COL4A1: variants seen among roughly 807,000 people sequenced by gnomAD.
COL4A1 encodes the protein collagen type IV alpha 1 chain, also known as collagen alpha-1(IV) chain.
COL4A1 carries 40 observed loss-of-function variants against 216.6 expected under a neutral mutation model. The ratio of observed to expected loss-of-function variants is 0.18; its 90% CI spans 0.14 to 0.24. The LOEUF (loss-of-function observed/expected upper bound fraction) is 0.24. COL4A1 is among the 10% of genes least tolerant of loss of function. COL4A1 has a pLI of 1.00. For synonymous variants in COL4A1, 839 were observed against 810.7 expected, an observed-to-expected ratio of 1.03 and a Z score of -0.59; for missense variants, 1,628 against 2,196.8, an observed-to-expected ratio of 0.74 and a Z score of 5.18.
intron 49 of COL4A1, among the ~76,000 whole-genome samples, chr13:110,159,162 A>G (rs1310831421): frequency 6.6e-6 from 1 of 152,186 alleles, no homozygotes; most frequent in Non-Finnish European, 1.5e-5. Flanking sequence ...GGGCCTGAAA[A>G]CGTACTTCAG....
chr13:110,305,784 A>G (rs762686544), intron 1 of COL4A1: 4 of 152,264 alleles, frequency 2.6e-5, no homozygotes, highest in Non-Finnish European at 4.4e-5. Context: ...ACGTGTGTGT[A>G]TATCACCAGT....
intron 28 of COL4A1, 24 bp from the exon 29 acceptor site, chr13:110,181,413 AAAACAAAC>A (rs762439134): frequency 6.3e-7 from 1 of 1,587,300 alleles, no homozygotes; most frequent in Admixed American, 1.7e-5. Context: ...TCAAAAAAAA[AAAACAAAC>A]AAACAATCAT....
chr13:110,154,857 C>G (rs1237098781), intron 50 of COL4A1, among the ~76,000 whole-genome samples: 2 of 152,184 alleles, frequency 1.3e-5, no homozygotes, highest in Non-Finnish European at 2.9e-5. Flanking sequence ...TACAGAGAAG[C>G]TAGTCATATG....
At chr13:110,174,132 G>A (rs1877769055) in intron 39 of COL4A1, 134 bp from the exon 40 acceptor site, 1 of 1,010,426 alleles carries the variant, frequency 9.9e-7, no homozygotes, top group Non-Finnish European at 1.5e-6. Flanking sequence ...CCTGAGGTCA[G>A]TTCTGACTTC....
Position 110,246,138 on chromosome 13 carries a change from T to C in COL4A1, c.85-3404A>G, listed in dbSNP as rs1476570707. Among the ~76,000 whole-genome samples the C allele has an allele frequency of 3.5e-5, 5 of 142,782 alleles. No individual in the cohort carries two copies. In the East Asian group the frequency reaches 9.7e-4, roughly 28 times the overall value. 93.7% of individuals were successfully genotyped at this position (142,782 alleles called of 152,430 possible). On this transcript the variant is annotated intron_variant, in intron 1 of 51. Transcript: ENST00000375820. ...GTGGCCTAGCATTTTATGTAAATGGTTTTGTTAAAAAAAAAAAACAAAAAA... is the reference window on the plus strand; with the variant it reads ...GTGGCCTAGCATTTTATGTAAATGGCTTTGTTAAAAAAAAAAAACAAAAAA...
chr13:110,182,152 GC>G (rs1878188896), intron 28 of COL4A1, among the ~76,000 whole-genome samples: 2 of 152,320 alleles, frequency 1.3e-5, no homozygotes, highest in South Asian at 4.1e-4. Context: ...TCAGCGCCTG[GC>G]CCTCCTGAAC....
chr13:110,306,656 C>T (rs1884734264), intron 1 of COL4A1, among the ~76,000 whole-genome samples: 1 of 152,196 alleles, frequency 6.6e-6, no homozygotes, highest in African/African-American at 2.4e-5. Context: ...ATCCCGCCGG[C>T]TCCCAGGCAC....
intron 1 of COL4A1, among the ~76,000 whole-genome samples, chr13:110,243,053 A>C (rs9583474): frequency 0.22 from 33,834 of 152,194 alleles, 4,344 homozygotes; most frequent in African/African-American, 0.35. Context: ...CTCGGGGATT[A>C]GTTTAACAGG....
chr13:110,230,262 ATATGT>A (rs752636755), intron 2 of COL4A1, among the ~76,000 whole-genome samples: 25 of 151,536 alleles, frequency 1.6e-4, no homozygotes, highest in Non-Finnish European at 3.1e-4. Context: ...TGGTGTGTGT[ATATGT>A]TATGTGTGTG....
chr13:110,215,461 T>A (rs1404734840), intron 2 of COL4A1, among the ~76,000 whole-genome samples: 4 of 151,048 alleles, frequency 2.6e-5, no homozygotes, highest in African/African-American at 7.3e-5. Context: ...CTCAGGAGGC[T>A]GAGGCTGGAG....
chr13:110,184,237 C>T (rs1346325212), intron 26 of COL4A1, among the ~76,000 whole-genome samples: 1 of 152,176 alleles, frequency 6.6e-6, no homozygotes, highest in African/African-American at 2.4e-5. Flanking sequence ...CCCCAGAAGC[C>T]TTCTTCCCCA....
chr13:110,179,520 G>T, intron 29 of COL4A1, 99 bp from the exon 30 acceptor site: 1 of 1,528,620 alleles, frequency 6.5e-7, no homozygotes, highest in Non-Finnish European at 9.0e-7. Context: ...TACTGCCAAT[G>T]CATTTAGTAA....
intron 21 of COL4A1, among the ~76,000 whole-genome samples, chr13:110,196,580 AAAAAAAC>A (rs984165456): frequency 8.7e-5 from 13 of 149,086 alleles, no homozygotes; most frequent in East Asian, 3.9e-4. Context: ...AATCCCTGAC[AAAAAAAC>A]AAAAAACAAA....
intron 1 of COL4A1, among the ~76,000 whole-genome samples, chr13:110,291,573 C>A (rs779627820): frequency 4.6e-5 from 7 of 152,220 alleles, no homozygotes; most frequent in Non-Finnish European, 8.8e-5. Context: ...TTGTCAGTTT[C>A]CTTATCACCC....
intron 1 of COL4A1, among the ~76,000 whole-genome samples, chr13:110,279,900 G>A (rs1363835453): frequency 6.6e-6 from 1 of 152,182 alleles, no homozygotes; most frequent in African/African-American, 2.4e-5. Context: ...TGTGGCCACT[G>A]TCTTCTCCTG....
rs182552880 is a variant in COL4A1, at chr13:110,251,314, C to T, written c.85-8580G>A. On this transcript the variant is annotated intron_variant, in intron 1 of 51. Transcript: ENST00000375820. Reference sequence around the variant, plus strand: ...ACATCTGACTCCCAAGCCCAGCCCACGCAAGACAGCCCCAAGGCCCCATGC... The same window carrying T: ...ACATCTGACTCCCAAGCCCAGCCCATGCAAGACAGCCCCAAGGCCCCATGC... Among the ~76,000 whole-genome samples the T allele has an allele frequency of 2.5e-3, 378 of 152,356 alleles. 2 individuals are homozygous for T. The highest frequency in any genetic ancestry group is 8.6e-3 in the African/African-American group (358 of 41,572).
In COL4A1 at chr13:110,183,212, C is replaced by G. The variant is rs375980154; in HGVS notation, c.1962G>C (p.Pro654=). 6.2e-6 allele frequency: 10 copies of G among 1,613,732 alleles called. No individual in the cohort carries two copies. The highest frequency in any genetic ancestry group is 1.6e-4 in the Middle Eastern group (1 of 6,084). ...LPGPPGAEGL[P]GSPGFPGPQG... is the part of the protein sequence containing the mutation. Reference sequence around the variant, plus strand: ...GGGGACCTGGGAAGCCTGGGGACCCCGGCAGTCCTTCTGCTCCAGGGGGGC... The same window carrying G: ...GGGGACCTGGGAAGCCTGGGGACCCGGGCAGTCCTTCTGCTCCAGGGGGGC... Residue 654 remains proline (P), a synonymous_variant, in exon 27 of 52, where the codon CCG becomes CCC. Transcript: ENST00000375820.
chr13:110,301,735 C>T (rs1398656890), intron 1 of COL4A1, among the ~76,000 whole-genome samples: 1 of 152,100 alleles, frequency 6.6e-6, no homozygotes. Context: ...GGCCGGGGAG[C>T]AGGAGAAGAT....
At chr13:110,174,019 C>A (rs947830354) in intron 39 of COL4A1, 21 bp from the exon 40 acceptor site, 1 of 1,613,164 alleles carries the variant, frequency 6.2e-7, no homozygotes, top group East Asian at 2.2e-5. Context: ...AAAGTCACAT[C>A]AGACACCCGC....
Sources: allele counts gnomAD v4.1 joint callset (sites outside exome capture counted in the v4.1 genomes callset), GRCh38; gene constraint gnomAD v4.1.1; transcripts MANE v1.5; gene names NCBI Gene and HGNC (gene_info 2026-07-23, HGNC 2026-07-21).